The following TTC27 variants were observed in gnomAD, a reference collection of about 807,000 sequenced individuals.
The protein encoded by TTC27 is tetratricopeptide repeat domain 27.
A neutral mutation model predicts 115.9 loss-of-function variants in TTC27; 79 were observed. That is an observed-to-expected ratio of 0.68 (90% CI 0.57 to 0.82). The LOEUF is 0.82. TTC27 is among the 40% of genes least tolerant of loss of function. The pLI, the probability that TTC27 is intolerant of heterozygous loss-of-function variation, is 0.00. For missense variants in TTC27, 1,054 were observed against 993.1 expected (o/e 1.06, Z -0.82); for synonymous variants, 401 against 356.0 (o/e 1.13, Z -1.42).
intron 12 of TTC27, among the ~76,000 whole-genome samples, chr2:32,744,533 C>G (rs1226569358): frequency 2.0e-5 from 3 of 152,190 alleles, no homozygotes; most frequent in Non-Finnish European, 2.9e-5. Context: ...CAAGTCCCCT[C>G]TTCCTAGAGG....
chr2:32,736,602 C>G (rs1022875240), intron 11 of TTC27, 92 bp from the exon 12 acceptor site: 64 of 1,389,948 alleles, frequency 4.6e-5, no homozygotes, highest in Non-Finnish European at 6.0e-5. Flanking sequence ...ATAAGCAGAC[C>G]CCTAAAAAGG....
At chr2:32,692,448 T>C (rs1047186557) in intron 9 of TTC27, among the ~76,000 whole-genome samples, 1 of 152,064 alleles carries the variant, frequency 6.6e-6, no homozygotes, top group African/African-American at 2.4e-5. Flanking sequence ...TTAATGGGTA[T>C]AGAGTTTCAG....
chr2:32,800,111 C>G (rs1670870495), intron 16 of TTC27, among the ~76,000 whole-genome samples: 1 of 152,172 alleles, frequency 6.6e-6, no homozygotes, highest in Admixed American at 6.5e-5. Flanking sequence ...AGTTAATAGA[C>G]TATTAAGAGG....
chr2:32,643,890 C>T (rs1481329869), intron 4 of TTC27, among the ~76,000 whole-genome samples: 2 of 151,574 alleles, frequency 1.3e-5, no homozygotes, highest in African/African-American at 4.8e-5. Flanking sequence ...CAAAAATTAG[C>T]CAGGCATCTC....
rs546326046 is a variant in TTC27, at chr2:32,634,726, A to G, written c.396+721A>G. ...GGCTGGAGTACAATGGCGCGATCTC[A>G]GCTCACTGCAACCTCTGCCCCATGG... On this transcript the variant is annotated intron_variant, in intron 3 of 19. Transcript: ENST00000317907. Among the ~76,000 whole-genome samples the G allele has an allele frequency of 1.9e-4, 29 of 152,080 alleles. No individual in the cohort carries two copies. The South Asian group carries it at 5.4e-3, about 28-fold the overall frequency.
chr2:32,732,042 ATTAG>A (rs200321959), intron 10 of TTC27, among the ~76,000 whole-genome samples: 1,657 of 152,288 alleles, frequency 0.011, 33 homozygotes, highest in African/African-American at 0.038. Context: ...AATGGAGAGC[ATTAG>A]TTATTTTTTC....
intron 16 of TTC27, among the ~76,000 whole-genome samples, chr2:32,792,265 A>G (rs1215764811): frequency 6.6e-6 from 1 of 152,192 alleles, no homozygotes; most frequent in Non-Finnish European, 1.5e-5. Context: ...CTGGCTGTGC[A>G]TTACCCGAAA....
chr2:32,686,025 TA>T (rs536372987), intron 9 of TTC27, among the ~76,000 whole-genome samples: 6 of 152,186 alleles, frequency 3.9e-5, no homozygotes, highest in Non-Finnish European at 7.4e-5. Flanking sequence ...AAGGTCAATA[TA>T]AAAAAGTCAA....
chr2:32,794,148 G>A (rs773190862), intron 16 of TTC27, among the ~76,000 whole-genome samples: 2 of 152,108 alleles, frequency 1.3e-5, no homozygotes, highest in Non-Finnish European at 1.5e-5. Context: ...AACAGCATAC[G>A]TATTCTTCCC....
At chr2:32,682,190 C>T (rs1666455424) in intron 9 of TTC27, among the ~76,000 whole-genome samples, 1 of 151,834 alleles carries the variant, frequency 6.6e-6, no homozygotes, top group East Asian at 1.9e-4. Context: ...TATCCTACAC[C>T]CTGGAATAGG....
At chr2:32,723,013 AAC>A (rs1667976536) in intron 10 of TTC27, among the ~76,000 whole-genome samples, 1 of 152,246 alleles carries the variant, frequency 6.6e-6, no homozygotes, top group Non-Finnish European at 1.5e-5. Flanking sequence ...GTGGACAAGT[AAC>A]ACACAATATA....
intron 7 of TTC27, among the ~76,000 whole-genome samples, chr2:32,669,819 G>C (rs1045627864): frequency 4.8e-5 from 7 of 146,204 alleles, no homozygotes; most frequent in African/African-American, 1.8e-4. Context: ...CCAGGAGGTG[G>C]AGGTTGCAGT....
In TTC27 at chr2:32,664,056, C is replaced by G. The variant is rs1464677491; in HGVS notation, c.641-247C>G. Reference sequence around the variant, plus strand: ...AGAGCAAGGTTATGAATCATATCTCCCAGGATTGTGTGGAATAAAGGAGAT... The same window carrying G: ...AGAGCAAGGTTATGAATCATATCTCGCAGGATTGTGTGGAATAAAGGAGAT... On this transcript the variant is annotated intron_variant, in intron 5 of 19. Coordinates refer to ENST00000317907, the MANE Select transcript of TTC27 (RefSeq NM_017735.5). Among the ~76,000 whole-genome samples, 9 of 152,092 alleles carry G rather than the reference C, an allele frequency of 5.9e-5. No individual in the cohort carries two copies. The East Asian group carries it at 1.7e-3, about 29-fold the overall frequency.
At chr2:32,665,356 T>C (rs1559195248) in intron 6 of TTC27, among the ~76,000 whole-genome samples, 1 of 152,228 alleles carries the variant, frequency 6.6e-6, no homozygotes, top group Non-Finnish European at 1.5e-5. Context: ...TGTCTGTATA[T>C]GAAAATGTAT....
chr2:32,635,711 G>T (rs979098684), intron 3 of TTC27, among the ~76,000 whole-genome samples: 2 of 151,944 alleles, frequency 1.3e-5, no homozygotes, highest in African/African-American at 2.4e-5. Context: ...AAAGAATTGG[G>T]TGTAGCAAGT....
At chr2:32,763,960 A>G (rs1669532420) in intron 13 of TTC27, among the ~76,000 whole-genome samples, 1 of 152,184 alleles carries the variant, frequency 6.6e-6, no homozygotes. Flanking sequence ...TCTTATTCCT[A>G]TTCTTAGGTA....
chr2:32,644,037 C>A (rs553194351), intron 4 of TTC27, among the ~76,000 whole-genome samples: 3 of 151,892 alleles, frequency 2.0e-5, no homozygotes, highest in Non-Finnish European at 4.4e-5. Flanking sequence ...AAAAGTTAGC[C>A]GGGTGTAATG....
At chr2:32,752,955 A>T (rs929789170) in intron 12 of TTC27, among the ~76,000 whole-genome samples, 2 of 152,190 alleles carry the variant, frequency 1.3e-5, no homozygotes, top group Non-Finnish European at 2.9e-5. Flanking sequence ...CTCAAAACTT[A>T]GTGGCTTAAA....
chr2:32,777,991 T>A lies in TTC27; in HGVS notation c.1779+11T>A. 1.9e-6 allele frequency: 3 copies of A among 1,613,814 alleles called. No homozygotes were observed. Among genetic ancestry groups the A allele is most frequent in the Non-Finnish European group, 2.5e-6 (3 of 1,179,734 alleles). ...ACTCTAGAACCCGATGTAAGTTTGT[T>A]TGATCTTCTGTCCTTACGTGGCTCT... On this transcript the variant is annotated intron_variant, in intron 14 of 19. Transcript: ENST00000317907.
Sources: allele counts gnomAD v4.1 joint callset (sites outside exome capture counted in the v4.1 genomes callset), GRCh38; gene constraint gnomAD v4.1.1; transcripts MANE v1.5; gene names NCBI Gene and HGNC (gene_info 2026-07-23, HGNC 2026-07-21).